VANGL1: variants seen among roughly 807,000 people sequenced by gnomAD.
VANGL1 encodes VANGL planar cell polarity protein 1.
In VANGL1, 18 loss-of-function variants were observed where a neutral mutation model predicts 48.4. The ratio of observed to expected loss-of-function variants is 0.37; its 90% CI spans 0.26 to 0.55. VANGL1 has a LOEUF of 0.55. Among genes scored for constraint, VANGL1 ranks in the 20% least tolerant of loss-of-function variants. The pLI, the probability that VANGL1 is intolerant of heterozygous loss-of-function variation, is 0.81. For synonymous variants in VANGL1, 257 were observed against 261.8 expected, an observed-to-expected ratio of 0.98 and a Z score of 0.18; for missense variants, 667 against 675.8, an observed-to-expected ratio of 0.99 and a Z score of 0.14.
chr1:115,681,980 A>C (rs1002654295), intron 4 of VANGL1, among the ~76,000 whole-genome samples: 2 of 152,266 alleles, frequency 1.3e-5, no homozygotes, highest in Non-Finnish European at 2.9e-5. Flanking sequence ...TTAGCTCTGC[A>C]ACCATTAGTA....
At chr1:115,683,490 C>T (rs928384463) in intron 5 of VANGL1, among the ~76,000 whole-genome samples, 1 of 152,164 alleles carries the variant, frequency 6.6e-6, no homozygotes, top group African/African-American at 2.4e-5. Context: ...TGTCTCATGT[C>T]CTTTGACTTT....
Position 115,663,933 on chromosome 1 carries a change from A to T in VANGL1, c.477A>T (p.Lys159Asn). Residue 159 changes from lysine to asparagine, a missense_variant, in exon 4 of 8, where the codon AAA becomes AAT. Physicochemically the swap from Lys to Asn is moderately conservative, Grantham distance 94. Transcript: ENST00000355485. The stretch of plus-strand genomic sequence containing the variant: ...GGCTCTTTATCTCCATGGCATTCAA[A>T]CTCCTCATTCTGCTCATAGGGACCT... ...CEGLFISMAFKLLILLIGTWA... is the reference protein window; with the variant it reads ...CEGLFISMAFNLLILLIGTWA... The T allele has an allele frequency of 1.2e-6, 2 of 1,613,822 alleles. No homozygotes were observed. Among genetic ancestry groups the T allele is most frequent in the Non-Finnish European group, 1.7e-6 (2 of 1,179,970 alleles).
intron 3 of VANGL1, 28 bp from the exon 4 acceptor site, chr1:115,663,633 G>A: frequency 5.6e-6 from 9 of 1,614,034 alleles, no homozygotes; most frequent in Non-Finnish European, 7.6e-6. Context: ...CCTGTGTCAT[G>A]TCATCCTCAC....
intron 4 of VANGL1, among the ~76,000 whole-genome samples, chr1:115,671,845 G>T (rs1340177607): frequency 6.6e-6 from 1 of 152,190 alleles, no homozygotes; most frequent in East Asian, 1.9e-4. Context: ...AGGTCTGCCA[G>T]CATCGCTGTG....
At chr1:115,675,105 G>A (rs1369214673) in intron 4 of VANGL1, among the ~76,000 whole-genome samples, 1 of 152,188 alleles carries the variant, frequency 6.6e-6, no homozygotes, top group Non-Finnish European at 1.5e-5. Flanking sequence ...TCAGAACAAG[G>A]CATTGGGTGA....
rs1420429951 is a variant in VANGL1 at position 115,695,541 on chromosome 1, C to T, written c.*4162C>T. The T allele has an allele frequency of 6.6e-6, 1 of 152,636 alleles. No homozygotes were observed. The highest frequency in any genetic ancestry group is 1.9e-4 in the East Asian group (1 of 5,194). 9.5% of individuals were successfully genotyped at this position (152,636 alleles called of 1,614,324 possible). ...AGTTTAGACACTGTTGAAATAACTG[C>T]ATTGAGCTTTAACCAAGTGTATGCT... On this transcript the variant is annotated 3_prime_UTR_variant, in exon 8 of 8. Transcript: ENST00000355485.
chr1:115,646,448 G>A (rs1470664127), intron 1 of VANGL1, among the ~76,000 whole-genome samples: 1 of 150,710 alleles, frequency 6.6e-6, no homozygotes, highest in Non-Finnish European at 1.5e-5. Context: ...TCTGGCATAC[G>A]AACTCTGCCC....
At chr1:115,667,553 C>T (rs1407272182) in intron 4 of VANGL1, among the ~76,000 whole-genome samples, 1 of 152,168 alleles carries the variant, frequency 6.6e-6, no homozygotes, top group Non-Finnish European at 1.5e-5. Flanking sequence ...CAGTTGAGGT[C>T]CCCAACCCCC....
At chr1:115,656,999 G>A (rs1652378118) in intron 2 of VANGL1, among the ~76,000 whole-genome samples, 1 of 151,520 alleles carries the variant, frequency 6.6e-6, no homozygotes, top group Non-Finnish European at 1.5e-5. Context: ...GATAGAAGAG[G>A]GGCATTGTCC....
chr1:115,685,429 C>G lies in VANGL1; in HGVS notation c.1216C>G (p.Gln406Glu), dbSNP rs1403613771. 2 of 1,614,106 alleles carry G rather than the reference C, an allele frequency of 1.2e-6. No individual in the cohort carries two copies. The highest frequency in any genetic ancestry group is 2.7e-5 in the African/African-American group (2 of 75,036). Residue 406 changes from glutamine (Q) to glutamate (E), a missense_variant, in exon 7 of 8, where the codon CAG becomes GAG. Gln to Glu is a conservative substitution (Grantham distance 29, BLOSUM62 2). Transcript: ENST00000355485. ...TTTCCCCTCCATGGCCAGGGCTCTC[C>G]AGAAGTACCTGCGCATCACCCGGCA... Reference protein sequence around the residue: ...AIFPSMARALQKYLRITRQQN... With the variant: ...AIFPSMARALEKYLRITRQQN...
chr1:115,650,947 T>C (rs1652118802), intron 1 of VANGL1, among the ~76,000 whole-genome samples: 1 of 151,894 alleles, frequency 6.6e-6, no homozygotes, highest in Admixed American at 6.6e-5. Flanking sequence ...GGGCTGGGCA[T>C]TGTGTGGAGG....
Position 115,696,033 on chromosome 1 carries a change from G to A in VANGL1, c.*4654G>A, listed in dbSNP as rs760348771. 9 of 152,208 alleles carry A rather than the reference G, an allele frequency of 5.9e-5. No homozygotes were observed. The highest frequency in any genetic ancestry group is 1.3e-4 in the Admixed American group (2 of 15,280). 9.4% of individuals were successfully genotyped at this position (152,208 alleles called of 1,614,324 possible). ...AGGATATTTGATGGAAAGAACTTGA[G>A]AATCCCTTCTGGAAAACCCAGCCTT... On this transcript the variant is annotated 3_prime_UTR_variant, in exon 8 of 8. Transcript: ENST00000355485.
chr1:115,674,030 G>A (rs760731058), intron 4 of VANGL1, among the ~76,000 whole-genome samples: 1 of 152,132 alleles, frequency 6.6e-6, no homozygotes, highest in Non-Finnish European at 1.5e-5. Context: ...GACACTATTT[G>A]CCACTACGGG....
rs950053762 is a variant in VANGL1 at position 115,693,936 on chromosome 1, G to C, written c.*2557G>C. The C allele has an allele frequency of 2.6e-5, 4 of 152,166 alleles. No homozygotes were observed. Among genetic ancestry groups the C allele is most frequent in the African/African-American group, 9.7e-5 (4 of 41,434 alleles). 9.4% of individuals were successfully genotyped at this position (152,166 alleles called of 1,614,324 possible). On this transcript the variant is annotated 3_prime_UTR_variant, in exon 8 of 8. Coordinates refer to ENST00000355485, the MANE Select transcript of VANGL1 (RefSeq NM_138959.3). ...ATTTCATTTGCCTTATATGTTTATA[G>C]ATTTTTTATAATTTTCATCCTACGT...
chr1:115,680,240 C>T (rs751638676), intron 4 of VANGL1, among the ~76,000 whole-genome samples: 4 of 152,102 alleles, frequency 2.6e-5, no homozygotes, highest in Non-Finnish European at 4.4e-5. Flanking sequence ...CAAACCTCCA[C>T]GGAAGTCCGC....
intron 1 of VANGL1, among the ~76,000 whole-genome samples, chr1:115,647,774 G>A (rs992294272): frequency 6.6e-6 from 1 of 152,146 alleles, no homozygotes; most frequent in Non-Finnish European, 1.5e-5. Flanking sequence ...CTTAGGATGA[G>A]GGTATTGCTT....
intron 4 of VANGL1, among the ~76,000 whole-genome samples, chr1:115,672,116 T>C (rs956083588): frequency 2.0e-5 from 3 of 152,140 alleles, no homozygotes; most frequent in African/African-American, 7.2e-5. Flanking sequence ...ATGCTCTGGG[T>C]ATAGTTTTAT....
intron 4 of VANGL1, among the ~76,000 whole-genome samples, chr1:115,674,616 G>T (rs776486497): frequency 6.6e-6 from 1 of 152,150 alleles, no homozygotes; most frequent in Non-Finnish European, 1.5e-5. Flanking sequence ...ATGTATTTGG[G>T]GAATTAGCAT....
In VANGL1 at chr1:115,696,601, G is replaced by A. The variant is rs577300305; in HGVS notation, c.*5222G>A. 2.0e-5 allele frequency: 3 copies of A among 152,204 alleles called. No homozygotes were observed. Among genetic ancestry groups the A allele is most frequent in the Non-Finnish European group, 4.4e-5 (3 of 68,032 alleles). 9.4% of individuals were successfully genotyped at this position (152,204 alleles called of 1,614,324 possible). On this transcript the variant is annotated 3_prime_UTR_variant, in exon 8 of 8. Coordinates refer to ENST00000355485, the MANE Select transcript of VANGL1 (RefSeq NM_138959.3). The stretch of plus-strand genomic sequence containing the variant: ...AATTAAGATGCGATGGATTAGAAAT[G>A]TAAAACTTCAGAATAAAATTAAATT...
Sources: allele counts gnomAD v4.1 joint callset (sites outside exome capture counted in the v4.1 genomes callset), GRCh38; gene constraint gnomAD v4.1.1; transcripts MANE v1.5; gene names NCBI Gene and HGNC (gene_info 2026-07-23, HGNC 2026-07-21).